The following NFATC1 variants were observed in gnomAD, a reference collection of about 807,000 sequenced individuals.
NFATC1 encodes nuclear factor of activated T-cells, cytoplasmic 1.
Under a neutral mutation model 76.0 loss-of-function variants are expected in NFATC1, and 22 were observed. The ratio of observed to expected loss-of-function variants is 0.29; its 90% CI spans 0.21 to 0.41. The LOEUF (loss-of-function observed/expected upper bound fraction) is 0.41. NFATC1 is among the 10% of genes least tolerant of loss of function. The probability of loss-of-function intolerance (pLI) is 1.00; values close to 1 mark genes in which losing one functional copy is unlikely to be tolerated. For synonymous variants in NFATC1, 704 were observed against 613.1 expected (o/e 1.15, Z -2.19); for missense variants, 1,357 against 1,337.7 (o/e 1.01, Z -0.23).
intron 8 of NFATC1, among the ~76,000 whole-genome samples, 153 bp from the exon 9 acceptor site, chr18:79,486,094 CT>C (rs58384557): frequency 2.0e-4 from 30 of 147,892 alleles, no homozygotes; most frequent in Middle Eastern, 3.6e-3. Context: ...TGACTCACGC[CT>C]TTTTTTTTTA....
chr18:79,489,860 C>A (rs1309912629), intron 9 of NFATC1, among the ~76,000 whole-genome samples: 1 of 152,246 alleles, frequency 6.6e-6, no homozygotes, highest in African/African-American at 2.4e-5. Context: ...CAGCCACACA[C>A]AAGCTTTCGG....
chr18:79,407,018 G>T (rs1453454313), intron 1 of NFATC1, among the ~76,000 whole-genome samples: 1 of 152,246 alleles, frequency 6.6e-6, no homozygotes, highest in East Asian at 1.9e-4. Context: ...CACGGGCCAC[G>T]GAGGGGCCAC....
chr18:79,414,045 A>G (rs547948102), intron 2 of NFATC1, among the ~76,000 whole-genome samples: 31 of 152,272 alleles, frequency 2.0e-4, no homozygotes, highest in African/African-American at 7.5e-4. Flanking sequence ...CTGGTTCCAC[A>G]TCAAAATATG....
At chr18:79,421,753 ACT>A (rs2086101241) in intron 2 of NFATC1, 1 of 152,072 alleles carries the variant, frequency 6.6e-6, no homozygotes, top group South Asian at 2.1e-4. Context: ...CTGTGAAGCA[ACT>A]CTGTGTTTAC....
chr18:79,508,219 T>TGGAG (rs142088680), intron 9 of NFATC1, among the ~76,000 whole-genome samples: 9,623 of 150,856 alleles, frequency 0.064, 387 homozygotes, highest in Admixed American at 0.096. Context: ...AGAAAAAAGG[T>TGGAG]GGAGGGAGGG....
intron 9 of NFATC1, among the ~76,000 whole-genome samples, chr18:79,517,957 TTGGGTTAGCG>T (rs1204138559): frequency 2.0e-5 from 3 of 152,260 alleles, no homozygotes; most frequent in African/African-American, 7.2e-5. Context: ...AACAGTGTAT[TTGGGTTAGCG>T]TGGCTGAACC....
chr18:79,431,164 G>A (rs1172456980), intron 2 of NFATC1, among the ~76,000 whole-genome samples: 1 of 152,242 alleles, frequency 6.6e-6, no homozygotes, highest in Admixed American at 6.5e-5. Flanking sequence ...AGCCTGCCAG[G>A]TGCATCTTTG....
chr18:79,474,909 G>A (rs560698693), intron 8 of NFATC1, among the ~76,000 whole-genome samples: 13 of 137,364 alleles, frequency 9.5e-5, no homozygotes, highest in South Asian at 2.3e-4. Context: ...TGAGGGAAGC[G>A]TGTTCTCACG....
At chr18:79,498,350 T>TACA (rs2089943852) in intron 9 of NFATC1, 1 of 143,510 alleles carries the variant, frequency 7.0e-6, no homozygotes, top group African/African-American at 2.6e-5. Context: ...ATGAGATTTT[T>TACA]AAAAAAAAAA....
intron 2 of NFATC1, among the ~76,000 whole-genome samples, chr18:79,420,578 C>T (rs930602198): frequency 6.6e-5 from 8 of 121,904 alleles, no homozygotes; most frequent in African/African-American, 2.6e-4. Flanking sequence ...TCGCTACAGA[C>T]AGGAAGAGGG....
chr18:79,410,388 T>G lies in NFATC1; in HGVS notation c.128-15T>G, dbSNP rs772917536. On this transcript the variant is annotated splice_polypyrimidine_tract_variant and intron_variant, in intron 1 of 9. Transcript: ENST00000427363. This position sits in a 1 kb window ranked among gnomAD's most constrained non-coding sequence, Gnocchi z 6.7. ...CCAGCCCCTCATGCTCCCATCTGCT[T>G]CTTTTTCTCTCTAGAACACTATGGC... 1.3e-5 allele frequency: 20 copies of G among 1,589,720 alleles called. No individual in the cohort carries two copies. The highest frequency in any genetic ancestry group is 1.2e-4 in the African/African-American group (9 of 74,480).
intron 8 of NFATC1, chr18:79,469,893 CTG>C (rs1376664055): frequency 1.7e-5 from 17 of 985,360 alleles, no homozygotes; most frequent in Non-Finnish European, 2.0e-5. Context: ...CTGCACCAGA[CTG>C]TGAGCCCCTC....
chr18:79,412,402 G>C (rs939346837), intron 2 of NFATC1, among the ~76,000 whole-genome samples: 3 of 152,058 alleles, frequency 2.0e-5, no homozygotes, highest in Non-Finnish European at 2.9e-5. Flanking sequence ...CGCGCAGCCC[G>C]GGGTATTCCA....
intron 2 of NFATC1, among the ~76,000 whole-genome samples, chr18:79,414,084 A>G (rs987328271): frequency 1.3e-5 from 2 of 152,120 alleles, no homozygotes; most frequent in African/African-American, 4.8e-5. Flanking sequence ...CCTGTTTCCA[A>G]GTGACCTCGT....
At chr18:79,436,774 G>A (rs2086794436) in intron 3 of NFATC1, among the ~76,000 whole-genome samples, 1 of 152,072 alleles carries the variant, frequency 6.6e-6, no homozygotes, top group Non-Finnish European at 1.5e-5. Context: ...TGAGGGGCGT[G>A]AGGGGGTCCG....
At chr18:79,488,533 GTCC>G (rs2089589456) in intron 9 of NFATC1, among the ~76,000 whole-genome samples, 2 of 152,192 alleles carry the variant, frequency 1.3e-5, no homozygotes, top group Non-Finnish European at 2.9e-5. Flanking sequence ...AGTGTTCCGT[GTCC>G]TGTGCAGATG....
chr18:79,417,405 T>C (rs1600644538), intron 2 of NFATC1, among the ~76,000 whole-genome samples: 3 of 24,146 alleles, frequency 1.2e-4, no homozygotes, highest in South Asian at 2.1e-3. Flanking sequence ...TGGGCTGTGG[T>C]GGGAGATGGG....
chr18:79,471,265 C>T (rs1026073214), intron 8 of NFATC1, among the ~76,000 whole-genome samples: 2 of 152,106 alleles, frequency 1.3e-5, no homozygotes, highest in African/African-American at 2.4e-5. Flanking sequence ...GAACCTGGAA[C>T]GTGGGAACCC....
intron 1 of NFATC1, among the ~76,000 whole-genome samples, chr18:79,406,561 G>C (rs544961650): frequency 3.3e-5 from 5 of 152,362 alleles, no homozygotes; most frequent in Non-Finnish European, 1.5e-5. Context: ...TCCAACAGGC[G>C]AGAGGGCTTC....
Sources: allele counts gnomAD v4.1 joint callset (sites outside exome capture counted in the v4.1 genomes callset), GRCh38; gene constraint gnomAD v4.1.1; non-coding constraint Gnocchi (gnomAD v3.1); transcripts MANE v1.5; gene names NCBI Gene and HGNC (gene_info 2026-07-23, HGNC 2026-07-21).